The following RGS3 variants were observed in gnomAD, a reference collection of about 807,000 sequenced individuals.
The protein encoded by RGS3 is regulator of G protein signaling 3.
RGS3 carries 80 observed loss-of-function variants against 132.6 expected under a neutral mutation model. The ratio of observed to expected loss-of-function variants is 0.60; its 90% CI spans 0.50 to 0.73. The LOEUF is 0.73. RGS3 is among the 30% of genes least tolerant of loss of function. The probability of loss-of-function intolerance (pLI) is 0.00; values close to 1 mark genes in which losing one functional copy is unlikely to be tolerated. For missense variants in RGS3, 1,382 were observed against 1,530.8 expected (o/e 0.90, Z 1.62); for synonymous variants, 598 against 620.6 (o/e 0.96, Z 0.54).
At chr9:113,477,308 T>C (rs1477528619) in intron 3 of RGS3, among the ~76,000 whole-genome samples, 1 of 152,168 alleles carries the variant, frequency 6.6e-6, no homozygotes, top group Non-Finnish European at 1.5e-5. Context: ...ACAGGATTCC[T>C]GGGCTTCTGA....
intron 22 of RGS3, 92 bp from the exon 21 acceptor site, chr9:113,594,827 C>T (rs983845691): frequency 2.7e-5 from 33 of 1,241,304 alleles, no homozygotes; most frequent in Non-Finnish European, 3.6e-5. Flanking sequence ...AGACTGGGCC[C>T]AGGGCAGTAA....
In RGS3 at chr9:113,541,754, C is replaced by T. The variant is rs112205243; in HGVS notation, c.2037+4836C>T. The T allele has an allele frequency of 7.8e-6, 8 of 1,028,772 alleles. 1 individual carries two copies. The African/African-American group carries it at 8.5e-5, about 11-fold the overall frequency. 63.7% of individuals were successfully genotyped at this position (1,028,772 alleles called of 1,614,324 possible). The stretch of plus-strand genomic sequence containing the variant: ...GTGGCTCCCGGACCTGCCTTGGGGG[C>T]AGCAGGAGAGGTTGGGAGAGGTCAC... On this transcript the variant is annotated intron_variant, in intron 19 of 24. Transcript: ENST00000350696.
chr9:113,596,659 G>T, intron 24 of RGS3, 109 bp from the exon 23 acceptor site: 1 of 887,246 alleles, frequency 1.1e-6, no homozygotes, highest in South Asian at 1.7e-5. Context: ...TAAGATGTGG[G>T]GCAAAGGGGC....
intron 18 of RGS3, among the ~76,000 whole-genome samples, chr9:113,534,193 G>A (rs1036142465): frequency 3.3e-5 from 5 of 152,188 alleles, no homozygotes; most frequent in African/African-American, 1.2e-4. Context: ...GCCTGCTTTC[G>A]CTGCTTCTGG....
chr9:113,592,956 A>G (rs1835519865), intron 21 of RGS3: 1 of 152,176 alleles, frequency 6.6e-6, no homozygotes, highest in Non-Finnish European at 1.5e-5. Context: ...GTTCTTTCTT[A>G]TTGACCTTAC....
chr9:113,488,471 T>C (rs1197461897), intron 7 of RGS3, among the ~76,000 whole-genome samples: 2 of 152,096 alleles, frequency 1.3e-5, no homozygotes, highest in Non-Finnish European at 2.9e-5. Context: ...TCCCTGTCTT[T>C]GAAGGGACAG....
intron 16 of RGS3, among the ~76,000 whole-genome samples, chr9:113,522,104 G>A (rs956766139): frequency 6.6e-5 from 10 of 152,176 alleles, no homozygotes; most frequent in African/African-American, 1.2e-4. Flanking sequence ...TATGCTGAGC[G>A]TGCCTGTTGG....
chr9:113,568,145 C>T (rs925402788), intron 19 of RGS3, among the ~76,000 whole-genome samples: 1 of 152,250 alleles, frequency 6.6e-6, no homozygotes, highest in African/African-American at 2.4e-5. Context: ...AGGTGACATG[C>T]GACTCAGCAG....
At chr9:113,516,728 G>A (rs773825684) in intron 15 of RGS3, among the ~76,000 whole-genome samples, 1 of 151,964 alleles carries the variant, frequency 6.6e-6, no homozygotes, top group Non-Finnish European at 1.5e-5. Context: ...ACAGTCTCTC[G>A]CTGTGTCCCC....
chr9:113,565,382 T>TGGA lies in RGS3; in HGVS notation c.2038-18058_2038-18056dup. Reference sequence around the variant, plus strand: ...CAGGGTGTGTGTTTGGGAAAGGCGCTGGAGGAGGAGGAAGAGGAGGAGGAC... The same window carrying TGGA: ...CAGGGTGTGTGTTTGGGAAAGGCGCTGGAGGAGGAGGAGGAAGAGGAGGAGGAC... On this transcript the variant is annotated intron_variant, in intron 19 of 24. Transcript: ENST00000350696. The surrounding 1 kb of genome is among the most constrained non-coding windows in gnomAD (Gnocchi z 5.7). The TGGA allele has an allele frequency of 3.1e-6, 4 of 1,288,016 alleles. No homozygotes were observed. Among genetic ancestry groups the TGGA allele is most frequent in the Non-Finnish European group, 4.0e-6 (4 of 987,978 alleles). The allele number at this position is 1,288,016 out of a possible 1,614,324, so 79.8% of individuals were successfully genotyped here.
chr9:113,571,126 T>G (rs1834272998), intron 19 of RGS3, among the ~76,000 whole-genome samples: 1 of 152,244 alleles, frequency 6.6e-6, no homozygotes, highest in African/African-American at 2.4e-5. Flanking sequence ...TGTATGAATA[T>G]ACCGCCACAG....
chr9:113,481,456 A>G (rs1486035034), intron 4 of RGS3, among the ~76,000 whole-genome samples: 5 of 152,232 alleles, frequency 3.3e-5, no homozygotes, highest in Non-Finnish European at 7.3e-5. Context: ...AGAGTAGACT[A>G]GTAGGCGCCT....
intron 19 of RGS3, chr9:113,583,232 T>G: frequency 1.3e-6 from 1 of 757,878 alleles, no homozygotes; most frequent in Non-Finnish European, 2.1e-6. Flanking sequence ...TGACCAGCTG[T>G]GTTTTTGATG....
exon 20 of RGS3, chr9:113,583,481 A>G: frequency 6.2e-7 from 1 of 1,614,188 alleles, no homozygotes; most frequent in South Asian, 1.1e-5. Flanking sequence ...GAGAAGAGGG[A>G]GATGGCCTTG....
chr9:113,547,324 C>A (rs1017658248), intron 19 of RGS3, among the ~76,000 whole-genome samples: 1 of 152,210 alleles, frequency 6.6e-6, no homozygotes, highest in Non-Finnish European at 1.5e-5. Flanking sequence ...ATGTACTCAT[C>A]ACACATAGGT....
chr9:113,444,839 G>A (rs543307811), exon 1 of RGS3: 2 of 152,278 alleles, frequency 1.3e-5, no homozygotes, highest in South Asian at 2.1e-4. Context: ...GGAAGGACAC[G>A]GCTATGTAGA....
At chr9:113,544,481 C>A (rs1292439658) in intron 19 of RGS3, among the ~76,000 whole-genome samples, 2 of 152,024 alleles carry the variant, frequency 1.3e-5, no homozygotes, top group African/African-American at 4.8e-5. Flanking sequence ...TATTTTTATT[C>A]TTTATTTTTC....
At chr9:113,595,726 G>A in exon 24 of RGS3, 13 of 1,614,148 alleles carry the variant, frequency 8.1e-6, no homozygotes, top group Non-Finnish European at 1.0e-5. Flanking sequence ...AGGCCAAGAA[G>A]ATCTTTGCTG....
chr9:113,465,812 G>A (rs908936649), intron 3 of RGS3, among the ~76,000 whole-genome samples: 2 of 152,090 alleles, frequency 1.3e-5, no homozygotes, highest in Admixed American at 6.5e-5. Flanking sequence ...GCTCTTATTC[G>A]TGCAGGCTCC....
Sources: allele counts gnomAD v4.1 joint callset (sites outside exome capture counted in the v4.1 genomes callset), GRCh38; gene constraint gnomAD v4.1.1; non-coding constraint Gnocchi (gnomAD v3.1); transcripts MANE v1.5; gene names NCBI Gene and HGNC (gene_info 2026-07-23, HGNC 2026-07-21).